KCNIP1: variants seen among roughly 807,000 people sequenced by gnomAD.
KCNIP1 encodes A-type potassium channel modulatory protein KCNIP1.
KCNIP1 carries 18 observed loss-of-function variants against 33.0 expected under a neutral mutation model. That is an observed-to-expected ratio of 0.55 (90% CI 0.38 to 0.81). The LOEUF is 0.81. KCNIP1 is among the 30% of genes least tolerant of loss of function. The pLI, the probability that KCNIP1 is intolerant of heterozygous loss-of-function variation, is 0.00. For missense variants in KCNIP1, 238 were observed against 271.6 expected (o/e 0.88, Z 0.87); for synonymous variants, 93 against 98.3 (o/e 0.95, Z 0.32).
intron 1 of KCNIP1, among the ~76,000 whole-genome samples, chr5:170,371,098 C>G: frequency 6.6e-6 from 1 of 152,160 alleles, no homozygotes; most frequent in East Asian, 1.9e-4. Flanking sequence ...GGAGCTGTGC[C>G]GGTGTACCAG....
intron 1 of KCNIP1, among the ~76,000 whole-genome samples, chr5:170,468,562 A>G (rs966809803): frequency 2.2e-4 from 33 of 152,132 alleles, no homozygotes; most frequent in Non-Finnish European, 1.0e-4. Flanking sequence ...GAGGGCATCT[A>G]ATTAATAGTT....
At chr5:170,722,058 G>A (rs576918586) in intron 4 of KCNIP1, among the ~76,000 whole-genome samples, 155 bp downstream of exon 4, 2 of 152,280 alleles carry the variant, frequency 1.3e-5, no homozygotes, top group Admixed American at 1.3e-4. Flanking sequence ...TAAAGATGGG[G>A]AAAAGCAGCA....
At chr5:170,617,871 A>G (rs1759449163) in intron 1 of KCNIP1, among the ~76,000 whole-genome samples, 1 of 152,220 alleles carries the variant, frequency 6.6e-6, no homozygotes, top group African/African-American at 2.4e-5. Context: ...GATTGCATCT[A>G]TTGCACACTT....
intron 1 of KCNIP1, among the ~76,000 whole-genome samples, chr5:170,567,014 C>G (rs1278289321): frequency 2.0e-5 from 3 of 152,144 alleles, no homozygotes; most frequent in Non-Finnish European, 4.4e-5. Context: ...AGAGCTGTTA[C>G]CTAGAAAAGC....
intron 1 of KCNIP1, among the ~76,000 whole-genome samples, chr5:170,408,045 G>A (rs889972505): frequency 3.9e-5 from 6 of 152,186 alleles, no homozygotes; most frequent in African/African-American, 1.4e-4. Flanking sequence ...ATAGTTTTTA[G>A]CTTCTAGAAC....
intron 5 of KCNIP1, among the ~76,000 whole-genome samples, chr5:170,732,277 G>C (rs11750098): frequency 6.6e-6 from 1 of 152,114 alleles, no homozygotes; most frequent in African/African-American, 2.4e-5. Context: ...TCAGGACCGA[G>C]TCCTAAGGTT....
intron 1 of KCNIP1, among the ~76,000 whole-genome samples, chr5:170,600,700 G>A (rs930442364): frequency 6.6e-6 from 1 of 152,204 alleles, no homozygotes; most frequent in African/African-American, 2.4e-5. Flanking sequence ...CAGTAGGCAG[G>A]TACTATTTGC....
rs536682219 is a variant in KCNIP1, at chr5:170,426,948, G to A, written c.88+72984G>A. Among the ~76,000 whole-genome samples the A allele has an allele frequency of 2.0e-5, 3 of 152,264 alleles. No homozygotes were observed. The South Asian group carries it at 6.2e-4, about 32-fold the overall frequency. The stretch of plus-strand genomic sequence containing the variant: ...CCACAGGACCAGCTCCACAGGGAGA[G>A]GGAAGAGGCGCGGCCGCAGGACCAG... On this transcript the variant is annotated intron_variant, in intron 1 of 7. Transcript: ENST00000377360.
At chr5:170,621,927 A>G (rs577670978) in intron 1 of KCNIP1, among the ~76,000 whole-genome samples, 1 of 152,344 alleles carries the variant, frequency 6.6e-6, no homozygotes, top group Admixed American at 6.5e-5. Context: ...CAAGCTGCTC[A>G]TAAGCCAGTA....
intron 1 of KCNIP1, among the ~76,000 whole-genome samples, chr5:170,548,293 G>T (rs188884431): frequency 1.3e-5 from 2 of 151,932 alleles, no homozygotes; most frequent in African/African-American, 2.4e-5. Flanking sequence ...TTCTAATATC[G>T]GAAGCTTTAA....
At chr5:170,526,779 G>A (rs1041863212) in intron 1 of KCNIP1, among the ~76,000 whole-genome samples, 11 of 146,150 alleles carry the variant, frequency 7.5e-5, no homozygotes, top group African/African-American at 2.8e-4. Flanking sequence ...CTGGAATGCA[G>A]TGGCGCGATC....
intron 1 of KCNIP1, among the ~76,000 whole-genome samples, chr5:170,666,489 G>A (rs546760571): frequency 1.3e-5 from 2 of 152,172 alleles, no homozygotes; most frequent in Non-Finnish European, 2.9e-5. Context: ...ATAATGGGCT[G>A]TCATTTTGTT....
intron 1 of KCNIP1, among the ~76,000 whole-genome samples, chr5:170,556,299 C>T (rs1278684995): frequency 3.3e-5 from 5 of 152,166 alleles, no homozygotes; most frequent in Admixed American, 6.5e-5. Flanking sequence ...TGGTTGTGTT[C>T]CAGGGGTTCC....
intron 1 of KCNIP1, among the ~76,000 whole-genome samples, chr5:170,527,922 G>T (rs1037713819): frequency 8.6e-5 from 13 of 151,986 alleles, no homozygotes; most frequent in African/African-American, 3.1e-4. Flanking sequence ...TTCATAAGCG[G>T]TTGTTGTCCT....
intron 1 of KCNIP1, among the ~76,000 whole-genome samples, chr5:170,488,452 ACT>A (rs757561531): frequency 3.3e-5 from 5 of 152,102 alleles, no homozygotes; most frequent in Admixed American, 6.5e-5. Context: ...TTCCATCATC[ACT>A]CTCTATGAAG....
chr5:170,522,908 G>T (rs564127919), intron 1 of KCNIP1, among the ~76,000 whole-genome samples: 1 of 152,220 alleles, frequency 6.6e-6, no homozygotes, highest in Non-Finnish European at 1.5e-5. Context: ...TTGGAACAAA[G>T]GAATCTTGGC....
intron 1 of KCNIP1, among the ~76,000 whole-genome samples, chr5:170,535,302 C>T (rs1033945641): frequency 9.2e-5 from 14 of 152,146 alleles, no homozygotes; most frequent in East Asian, 1.9e-4. Flanking sequence ...TGGAACCAAG[C>T]GGGGTGCCCT....
chr5:170,712,892 A>C, intron 1 of KCNIP1: 1 of 1,611,878 alleles, frequency 6.2e-7, no homozygotes, highest in Non-Finnish European at 8.5e-7. Flanking sequence ...GAGAGGTAAA[A>C]AACAGTTTAA....
chr5:170,693,133 T>C (rs946725301), intron 1 of KCNIP1, among the ~76,000 whole-genome samples: 2 of 152,212 alleles, frequency 1.3e-5, no homozygotes, highest in Non-Finnish European at 2.9e-5. Flanking sequence ...CAGCCCAGAA[T>C]TGGGGATGTG....
Sources: gnomAD v4.1 joint callset for allele counts (sites outside exome capture counted in the v4.1 genomes callset) on GRCh38, gnomAD v4.1.1 for gene constraint, MANE v1.5 for transcripts, NCBI Gene and HGNC (gene_info 2026-07-23, HGNC 2026-07-21) for gene names.